MAGI2: variants seen among roughly 807,000 people sequenced by gnomAD.
MAGI2 encodes the protein membrane associated guanylate kinase, WW and PDZ domain containing 2.
MAGI2 carries 35 observed loss-of-function variants against 133.3 expected under a neutral mutation model. The observed-to-expected ratio is 0.26, with a 90% CI of 0.20 to 0.35. MAGI2 has a LOEUF of 0.35. Ranked by LOEUF, MAGI2 falls within the 10% of genes least tolerant of loss-of-function variation. MAGI2 has a pLI of 1.00. For synonymous variants in MAGI2, 729 were observed against 710.6 expected (o/e 1.03, Z -0.41); for missense variants, 1,636 against 1,863.4 (o/e 0.88, Z 2.25).
chr7:78,145,250 A>G (rs931946985), intron 16 of MAGI2, among the ~76,000 whole-genome samples: 8 of 152,104 alleles, frequency 5.3e-5, no homozygotes. Flanking sequence ...AGAGGCCTGA[A>G]CCCATTAGGA....
intron 6 of MAGI2, among the ~76,000 whole-genome samples, chr7:78,398,372 C>T (rs1350033311): frequency 6.6e-6 from 1 of 152,088 alleles, no homozygotes; most frequent in Non-Finnish European, 1.5e-5. Context: ...CTCATATCAA[C>T]TGTCTAGAAA....
At chr7:78,341,596 G>A (rs1790380492) in intron 9 of MAGI2, among the ~76,000 whole-genome samples, 1 of 151,994 alleles carries the variant, frequency 6.6e-6, no homozygotes, top group African/African-American at 2.4e-5. Context: ...GCATCGTACT[G>A]GTACCAAAAC....
chr7:78,265,616 G>C (rs1430715726), intron 9 of MAGI2, among the ~76,000 whole-genome samples: 1 of 152,136 alleles, frequency 6.6e-6, no homozygotes, highest in East Asian at 1.9e-4. Context: ...GCATTCCCCT[G>C]TACTCTTCTG....
chr7:78,748,325 C>T (rs1403656832), intron 2 of MAGI2, among the ~76,000 whole-genome samples: 10 of 152,038 alleles, frequency 6.6e-5, no homozygotes, highest in Non-Finnish European at 1.5e-4. Context: ...GTAAAAGAAA[C>T]TTTTGAAATC....
At chr7:78,436,199 G>A (rs951811499) in intron 6 of MAGI2, among the ~76,000 whole-genome samples, 3 of 152,152 alleles carry the variant, frequency 2.0e-5, no homozygotes, top group African/African-American at 7.2e-5. Flanking sequence ...GGTTGGAGAG[G>A]AAGGCCCTGC....
intron 6 of MAGI2, among the ~76,000 whole-genome samples, chr7:78,408,581 G>A (rs1797597147): frequency 6.6e-6 from 1 of 152,032 alleles, no homozygotes; most frequent in African/African-American, 2.4e-5. Context: ...CTTAAAAAGT[G>A]TAACCTTGGT....
chr7:79,132,831 A>T (rs1821054653), intron 1 of MAGI2, among the ~76,000 whole-genome samples: 2 of 152,136 alleles, frequency 1.3e-5, no homozygotes, highest in Non-Finnish European at 2.9e-5. Flanking sequence ...TAACTTTTTA[A>T]TAATGGCCAT....
intron 3 of MAGI2, among the ~76,000 whole-genome samples, chr7:78,525,628 A>C (rs895470954): frequency 6.6e-6 from 1 of 152,222 alleles, no homozygotes; most frequent in Admixed American, 6.5e-5. Flanking sequence ...CAAAACCTCC[A>C]CAAACCCACA....
intron 6 of MAGI2, among the ~76,000 whole-genome samples, chr7:78,443,329 C>A (rs1040197530): frequency 2.0e-5 from 3 of 152,074 alleles, no homozygotes; most frequent in African/African-American, 4.8e-5. Context: ...GGGGTCCTAT[C>A]TTGGACCTCA....
intron 1 of MAGI2, among the ~76,000 whole-genome samples, chr7:79,216,615 C>T (rs1830054082): frequency 6.6e-6 from 1 of 152,074 alleles, no homozygotes. Context: ...GCCTTTTGCT[C>T]CCCCTCCCAT....
intron 2 of MAGI2, among the ~76,000 whole-genome samples, chr7:78,678,824 T>C (rs368805837): frequency 2.2e-4 from 33 of 152,250 alleles, no homozygotes; most frequent in African/African-American, 7.9e-4. Context: ...GGCAGGGGTG[T>C]TTTCATTGTC....
intron 1 of MAGI2, among the ~76,000 whole-genome samples, chr7:79,207,417 C>T (rs1219341525): frequency 6.6e-6 from 1 of 151,882 alleles, no homozygotes; most frequent in African/African-American, 2.4e-5. Context: ...AATTTCTACA[C>T]ACTAACAGTG....
intron 21 of MAGI2, among the ~76,000 whole-genome samples, chr7:78,031,872 T>C (rs1436746025): frequency 2.0e-5 from 3 of 152,202 alleles, no homozygotes; most frequent in Admixed American, 6.5e-5. Context: ...ATCTTCCTCC[T>C]GATCTCTTCG....
chr7:78,179,597 T>C (rs1026408039), intron 13 of MAGI2, among the ~76,000 whole-genome samples: 7 of 152,224 alleles, frequency 4.6e-5, no homozygotes, highest in African/African-American at 1.7e-4. Flanking sequence ...ATATGCATTG[T>C]ACAAGATTCA....
chr7:78,070,052 T>G (rs1814321166), intron 21 of MAGI2, among the ~76,000 whole-genome samples: 2 of 150,826 alleles, frequency 1.3e-5, no homozygotes, highest in African/African-American at 2.4e-5. Flanking sequence ...CCTTAATAGC[T>G]AAACAGGTTC....
intron 1 of MAGI2, among the ~76,000 whole-genome samples, chr7:79,117,400 AT>A (rs1366574780): frequency 3.3e-5 from 5 of 152,158 alleles, no homozygotes; most frequent in African/African-American, 1.2e-4. Flanking sequence ...AGGAAAAAAA[AT>A]CTGACACTGT....
intron 6 of MAGI2, among the ~76,000 whole-genome samples, chr7:78,427,198 G>A (rs1300311817): frequency 6.6e-6 from 1 of 151,860 alleles, no homozygotes; most frequent in East Asian, 1.9e-4. Flanking sequence ...AACTAATGGG[G>A]CAAATAGGAA....
intron 21 of MAGI2, among the ~76,000 whole-genome samples, chr7:78,070,198 TATATATATATATATATATATACACAC>T (rs1441225833): frequency 5.3e-4 from 18 of 33,904 alleles, no homozygotes; most frequent in East Asian, 2.5e-3. Context: ...TATATATATA[TATATATATATATATATATATACACAC>T]ACACACACAG....
chr7:78,641,604 G>A (rs190509678), intron 2 of MAGI2, among the ~76,000 whole-genome samples: 2 of 152,258 alleles, frequency 1.3e-5, no homozygotes, highest in East Asian at 3.9e-4. Flanking sequence ...CAACTTCAGT[G>A]CCAGCATTTG....
Sources: gnomAD v4.1 joint callset for allele counts (sites outside exome capture counted in the v4.1 genomes callset) on GRCh38, gnomAD v4.1.1 for gene constraint, MANE v1.5 for transcripts, NCBI Gene and HGNC (gene_info 2026-07-23, HGNC 2026-07-21) for gene names.